Variants in ATP11C observed in about 807,000 individuals in gnomAD.
ATP11C encodes ATPase phospholipid transporting 11C (ATP11C blood group).
Under a neutral mutation model 97.4 loss-of-function variants are expected in ATP11C, and 36 were observed. The observed-to-expected ratio is 0.37, with a 90% CI of 0.28 to 0.49. The LOEUF (loss-of-function observed/expected upper bound fraction) is 0.49, where lower values mean the gene tolerates loss of function less well. Ranked by LOEUF, ATP11C falls within the 20% of genes least tolerant of loss-of-function variation. ATP11C has a pLI of 0.98. For missense variants in ATP11C, 730 were observed against 824.6 expected (o/e 0.89, Z 1.40); for synonymous variants, 275 against 290.9 (o/e 0.95, Z 0.56).
In ATP11C at chrX:139,928,381, C is replaced by A. The variant is rs893103140; in HGVS notation, c.27+3635G>T. 3.7e-5 allele frequency among the ~76,000 whole-genome samples: 4 copies of A among 109,587 alleles called. No homozygotes were observed. The Admixed American group carries it at 3.9e-4, about 11-fold the overall frequency. ...AAAATAAAATCAATATTTTCCCGCT[C>A]GTCAATGTCAGGCCAGGATTATTAG... is the stretch of plus-strand genomic sequence containing the variant. On this transcript the variant is annotated intron_variant, in intron 1 of 29. Transcript: ENST00000682941.
chrX:139,778,911 T>C (rs1449237164), intron 18 of ATP11C, among the ~76,000 whole-genome samples: 1 of 111,494 alleles, frequency 9.0e-6, no homozygotes, highest in Non-Finnish European at 1.9e-5. Flanking sequence ...ATCATGCAAA[T>C]AGAAGACAAA....
At chrX:139,767,972 G>A (rs1442323793) in intron 20 of ATP11C, among the ~76,000 whole-genome samples, 1 of 111,312 alleles carries the variant, frequency 9.0e-6, no homozygotes, top group Non-Finnish European at 1.9e-5. Context: ...TGTCATAAGG[G>A]ATCTAGGAGC....
At chrX:139,866,785 C>A (rs770516970) in intron 1 of ATP11C, among the ~76,000 whole-genome samples, 1 of 110,874 alleles carries the variant, frequency 9.0e-6, no homozygotes, top group Non-Finnish European at 1.9e-5. Context: ...AAACACTACA[C>A]TCTTAACAAT....
At chrX:139,813,282 C>T (rs770656631) in intron 5 of ATP11C, among the ~76,000 whole-genome samples, 1 of 112,023 alleles carries the variant, frequency 8.9e-6, no homozygotes, top group African/African-American at 3.2e-5. Flanking sequence ...CATCAAAACC[C>T]AGTGAGGATG....
intron 5 of ATP11C, among the ~76,000 whole-genome samples, chrX:139,805,516 C>T (rs1472785046): frequency 8.9e-6 from 1 of 112,297 alleles, no homozygotes; most frequent in Admixed American, 9.4e-5. Flanking sequence ...AACTACTTTA[C>T]TCCCAACTTA....
intron 1 of ATP11C, among the ~76,000 whole-genome samples, chrX:139,853,486 G>C (rs994522891): frequency 9.0e-6 from 1 of 110,845 alleles, no homozygotes; most frequent in African/African-American, 3.3e-5. Context: ...AAGAGAAAGA[G>C]AGAGAGATAT....
intron 18 of ATP11C, among the ~76,000 whole-genome samples, chrX:139,776,041 G>A (rs745343768): frequency 1.8e-5 from 2 of 112,229 alleles, no homozygotes; most frequent in African/African-American, 6.5e-5. Flanking sequence ...AGCACAGCCT[G>A]CTAAGGGCCC....
intron 1 of ATP11C, among the ~76,000 whole-genome samples, chrX:139,849,577 A>G (rs1293748378): frequency 8.9e-6 from 1 of 111,837 alleles, no homozygotes; most frequent in Non-Finnish European, 1.9e-5. Flanking sequence ...TACCATCTCT[A>G]CTTCCTCACC....
At chrX:139,794,153 T>C (rs2082746736) in intron 12 of ATP11C, among the ~76,000 whole-genome samples, 1 of 112,426 alleles carries the variant, frequency 8.9e-6, no homozygotes, top group Non-Finnish European at 1.9e-5. Context: ...CCAACTGAGC[T>C]GAGCAGTCTA....
At chrX:139,923,342 T>C (rs1463650571) in intron 1 of ATP11C, among the ~76,000 whole-genome samples, 2 of 111,696 alleles carry the variant, frequency 1.8e-5, no homozygotes, top group East Asian at 5.6e-4. Context: ...CAGTGCCTCC[T>C]TCTGAATGCC....
chrX:139,876,472 G>C (rs887776901), intron 1 of ATP11C, among the ~76,000 whole-genome samples: 1 of 112,107 alleles, frequency 8.9e-6, no homozygotes, highest in Non-Finnish European at 1.9e-5. Context: ...CCAGGCACAA[G>C]TGCAGTGCCT....
At chrX:139,904,388 G>A (rs1334247964) in intron 1 of ATP11C, among the ~76,000 whole-genome samples, 2 of 110,278 alleles carry the variant, frequency 1.8e-5, no homozygotes, top group Non-Finnish European at 3.8e-5. Flanking sequence ...AATTAGCTTG[G>A]CGTGGTGGTG....
intron 26 of ATP11C, among the ~76,000 whole-genome samples, chrX:139,742,719 G>A (rs1328606524): frequency 9.1e-6 from 1 of 109,848 alleles, no homozygotes; most frequent in Non-Finnish European, 1.9e-5. Context: ...TCACATGGCT[G>A]CATGTCAATG....
At chrX:139,849,210 TC>T (rs2083954036) in intron 1 of ATP11C, among the ~76,000 whole-genome samples, 1 of 111,792 alleles carries the variant, frequency 8.9e-6, no homozygotes, top group African/African-American at 3.3e-5. Flanking sequence ...ACAAAGAGCC[TC>T]TACCTATGTT....
chrX:139,867,479 T>C (rs2084304980), intron 1 of ATP11C, among the ~76,000 whole-genome samples: 2 of 111,607 alleles, frequency 1.8e-5, no homozygotes, highest in African/African-American at 3.3e-5. Context: ...GATTTCCCCA[T>C]GGCTGCAGTC....
intron 1 of ATP11C, among the ~76,000 whole-genome samples, chrX:139,904,655 T>C (rs2084947924): frequency 8.9e-6 from 1 of 112,088 alleles, no homozygotes; most frequent in Non-Finnish European, 1.9e-5. Flanking sequence ...CAAGGTACTA[T>C]GAGGCCCTGT....
intron 27 of ATP11C, 30 bp downstream of exon 27, chrX:139,740,961 C>A (rs772433212): frequency 3.0e-5 from 28 of 944,851 alleles, no homozygotes; most frequent in Non-Finnish European, 4.1e-5. Flanking sequence ...TTGCTATTTA[C>A]ATATTGCTCA....
chrX:139,753,529 C>T (rs1405389403), intron 23 of ATP11C, among the ~76,000 whole-genome samples: 2 of 111,873 alleles, frequency 1.8e-5, no homozygotes, highest in Non-Finnish European at 3.8e-5. Flanking sequence ...AAAAAGAGGG[C>T]CGGGCACAGT....
At chrX:139,777,129 T>C (rs1419358112) in intron 18 of ATP11C, among the ~76,000 whole-genome samples, 1 of 109,988 alleles carries the variant, frequency 9.1e-6, no homozygotes, top group Non-Finnish European at 1.9e-5. Flanking sequence ...AAAGCTGGGG[T>C]GTCTTGACAC....
Sources: gnomAD v4.1 joint callset for allele counts (sites outside exome capture counted in the v4.1 genomes callset) on GRCh38, gnomAD v4.1.1 for gene constraint, MANE v1.5 for transcripts, NCBI Gene and HGNC (gene_info 2026-07-23, HGNC 2026-07-21) for gene names.